STK40: variants seen among roughly 807,000 people sequenced by gnomAD.
STK40 encodes serine/threonine-protein kinase 40.
In STK40, 13 loss-of-function variants were observed where a neutral mutation model predicts 47.9. The ratio of observed to expected loss-of-function variants is 0.27; its 90% CI spans 0.18 to 0.43. The LOEUF (loss-of-function observed/expected upper bound fraction) is 0.43. Ranked by LOEUF, STK40 falls within the 20% of genes least tolerant of loss-of-function variation. The pLI, the probability that STK40 is intolerant of heterozygous loss-of-function variation, is 1.00. For synonymous variants in STK40, 225 were observed against 243.2 expected (o/e 0.93, Z 0.69); for missense variants, 460 against 595.1 (o/e 0.77, Z 2.36).
chr1:36,361,115 T>G, intron 2 of STK40, 106 bp downstream of exon 2: 1 of 1,339,318 alleles, frequency 7.5e-7, no homozygotes, highest in Non-Finnish European at 1.0e-6. Context: ...CACACTGCTG[T>G]GGGTGGGCCA....
chr1:36,383,186 T>G (rs1647055421), intron 1 of STK40, among the ~76,000 whole-genome samples: 1 of 152,214 alleles, frequency 6.6e-6, no homozygotes, highest in Non-Finnish European at 1.5e-5. Context: ...TCAGGTGATC[T>G]GCCCACTTCG....
intron 1 of STK40, among the ~76,000 whole-genome samples, chr1:36,380,349 C>G (rs966389506): frequency 7.9e-5 from 12 of 152,246 alleles, no homozygotes; most frequent in Non-Finnish European, 1.5e-4. Flanking sequence ...GCACACCCCT[C>G]ACTATAGTCC....
chr1:36,346,143 C>T (rs1330113776), intron 7 of STK40, among the ~76,000 whole-genome samples: 5 of 150,416 alleles, frequency 3.3e-5, no homozygotes, highest in African/African-American at 4.9e-5. Context: ...TATAGGCACC[C>T]GCCACCACGC....
chr1:36,358,136 C>T, intron 4 of STK40, 103 bp downstream of exon 4: 2 of 1,398,014 alleles, frequency 1.4e-6, no homozygotes, highest in Non-Finnish European at 1.9e-6. Flanking sequence ...GCAGGGACAC[C>T]CAAGGGTCAC....
chr1:36,350,496 C>T (rs1270897272), intron 6 of STK40, among the ~76,000 whole-genome samples: 1 of 152,194 alleles, frequency 6.6e-6, no homozygotes, highest in Non-Finnish European at 1.5e-5. Context: ...CCTGGCTCTG[C>T]CACTTCCTTG....
In STK40 at chr1:36,343,389, A is replaced by G; in HGVS notation, c.1064T>C (p.Met355Thr). 6.2e-7 allele frequency: 1 copy of G among 1,613,512 alleles called. No homozygotes were observed. The highest frequency in any genetic ancestry group is 8.5e-7 in the Non-Finnish European group (1 of 1,179,748). The change falls in exon 10 of 11, where the codon ATG (methionine) becomes ACG (threonine). Residue 355 changes from methionine (M) to threonine (T), a missense_variant. Met to Thr is a moderately conservative substitution (Grantham distance 81, BLOSUM62 -1). This residue lies in a region of STK40 where 181 missense variants were observed against 218.9 expected (regional missense o/e 0.83). Coordinates refer to ENST00000373132, the MANE Select transcript of STK40 (RefSeq NM_001282547.2). ...CTCCTGGGAGCTATCCGCATTGCTC[A>G]TTTGGTCATCAATGTCAGGAACCAC... ...LQVVPDIDDQ[M>T]SNADSSQEAK...
chr1:36,357,682 T>A (rs2124736246), intron 4 of STK40, among the ~76,000 whole-genome samples: 1 of 152,232 alleles, frequency 6.6e-6, no homozygotes, highest in Admixed American at 6.5e-5. Context: ...AGTGGCACAA[T>A]CTTGGCTCAC....
In STK40 at chr1:36,340,863, C is replaced by G. The variant is rs1387324034; in HGVS notation, c.*892G>C. 1 of 152,446 alleles carries G rather than the reference C, an allele frequency of 6.6e-6. No individual in the cohort carries two copies. The highest frequency in any genetic ancestry group is 1.5e-5 in the Non-Finnish European group (1 of 68,220). The allele number at this position is 152,446 out of a possible 1,614,324, so 9.4% of individuals were successfully genotyped here. ...TCACGGCCAGGCCTGCAGCCCAACC[C>G]ATGGGCCCCTTCGCACTGGGAGTCC... is the stretch of plus-strand genomic sequence containing the variant. On this transcript the variant is annotated 3_prime_UTR_variant, in exon 11 of 11. Transcript: ENST00000373132.
At chr1:36,348,133 G>A (rs1646720687) in intron 7 of STK40, among the ~76,000 whole-genome samples, 1 of 152,268 alleles carries the variant, frequency 6.6e-6, no homozygotes, top group South Asian at 2.1e-4. Flanking sequence ...AGGAGAGAGG[G>A]CTCTGAAACA....
intron 10 of STK40, chr1:36,342,463 G>A (rs904756721): frequency 1.1e-5 from 2 of 177,646 alleles, no homozygotes. Context: ...CACCACAGGA[G>A]ACAGCAGGGC....
chr1:36,383,002 G>A (rs559585548), intron 1 of STK40, among the ~76,000 whole-genome samples: 2 of 152,278 alleles, frequency 1.3e-5, no homozygotes, highest in African/African-American at 4.8e-5. Context: ...AGGCTGGAGT[G>A]CAATGATGCA....
At chr1:36,379,115 C>T (rs892006946) in intron 1 of STK40, among the ~76,000 whole-genome samples, 1 of 152,226 alleles carries the variant, frequency 6.6e-6, no homozygotes, top group Non-Finnish European at 1.5e-5. Flanking sequence ...GACCAGTCCA[C>T]TCTCTCTTCC....
rs143458571 is a variant in STK40, at chr1:36,372,113, C to T, written c.-8-10773G>A. On this transcript the variant is annotated intron_variant, in intron 1 of 10. Coordinates refer to ENST00000373132, the MANE Select transcript of STK40 (RefSeq NM_001282547.2). ...GTTGAATCCACAGACGTAGAACCCA[C>T]GGATGTGGAGGGCTGGTACATAATG... 8.5e-3 allele frequency among the ~76,000 whole-genome samples: 1,297 copies of T among 152,228 alleles called. 18 individuals carry two copies. The highest frequency in any genetic ancestry group is 0.029 in the African/African-American group (1,222 of 41,544).
intron 1 of STK40, among the ~76,000 whole-genome samples, chr1:36,369,089 C>G (rs1646924200): frequency 6.6e-6 from 1 of 152,210 alleles, no homozygotes; most frequent in African/African-American, 2.4e-5. Context: ...TGGGCAGAGC[C>G]AGCCTGGCAT....
Position 36,346,938 on chromosome 1 carries a change from G to A in STK40, c.739+1762C>T, listed in dbSNP as rs530339160. ...CTATGGGGATGCTTTGGGGATTACTGTAGAGGGTGCCAGACTGTGCTGGGC... is the reference window on the plus strand; with the variant it reads ...CTATGGGGATGCTTTGGGGATTACTATAGAGGGTGCCAGACTGTGCTGGGC... On this transcript the variant is annotated intron_variant, in intron 7 of 10. Transcript: ENST00000373132. Among the ~76,000 whole-genome samples, 4 of 152,336 alleles carry A rather than the reference G, an allele frequency of 2.6e-5. No homozygotes were observed. In the South Asian group the frequency reaches 8.3e-4, roughly 32 times the overall value.
intron 1 of STK40, among the ~76,000 whole-genome samples, chr1:36,376,736 T>C (rs549991241): frequency 6.4e-4 from 98 of 152,212 alleles, no homozygotes; most frequent in African/African-American, 2.2e-3. Flanking sequence ...ATGTACAACA[T>C]AATCCTACTT....
intron 2 of STK40, among the ~76,000 whole-genome samples, chr1:36,360,337 CTTATGCA>C (rs942194014): frequency 6.6e-6 from 1 of 152,184 alleles, no homozygotes; most frequent in African/African-American, 2.4e-5. Context: ...ACTGCTGGTC[CTTATGCA>C]TCATGCAGAA....
At chr1:36,364,010 G>A (rs994203708) in intron 1 of STK40, among the ~76,000 whole-genome samples, 4 of 150,984 alleles carry the variant, frequency 2.6e-5, no homozygotes, top group African/African-American at 9.7e-5. Flanking sequence ...AATTAGCCGG[G>A]TGTGGTGGTG....
Position 36,374,775 on chromosome 1 carries a change from C to T in STK40, c.-9+10948G>A, listed in dbSNP as rs764883292. On this transcript the variant is annotated intron_variant, in intron 1 of 10. Coordinates refer to ENST00000373132, the MANE Select transcript of STK40 (RefSeq NM_001282547.2). Reference sequence around the variant, plus strand: ...GGGTGCCTTCTGCCATGCGCAGTGACGGCAGACTGAGTCACTGGCAGGTCT... The same window carrying T: ...GGGTGCCTTCTGCCATGCGCAGTGATGGCAGACTGAGTCACTGGCAGGTCT... 5.6e-4 allele frequency among the ~76,000 whole-genome samples: 85 copies of T among 152,278 alleles called. 1 individual carries two copies. Among genetic ancestry groups the T allele is most frequent in the Admixed American group, 1.9e-3 (29 of 15,292 alleles).
Sources: allele counts gnomAD v4.1 joint callset (sites outside exome capture counted in the v4.1 genomes callset), GRCh38; gene constraint gnomAD v4.1.1; regional missense constraint gnomAD v4.1.1; transcripts MANE v1.5; gene names NCBI Gene and HGNC (gene_info 2026-07-23, HGNC 2026-07-21).